Variants in ZFHX3 observed in about 807,000 individuals in gnomAD.
ZFHX3 encodes zinc finger homeobox 3.
ZFHX3 carries 42 observed loss-of-function variants against 279.1 expected under a neutral mutation model. The observed-to-expected ratio is 0.15, with a 90% CI of 0.12 to 0.19. The LOEUF is 0.19. Ranked by LOEUF, ZFHX3 falls within the 10% of genes least tolerant of loss-of-function variation. ZFHX3 has a pLI of 1.00. For synonymous variants in ZFHX3, 2,293 were observed against 1,957.8 expected, an observed-to-expected ratio of 1.17 and a Z score of -4.52; for missense variants, 4,981 against 4,754.0, an observed-to-expected ratio of 1.05 and a Z score of -1.40.
chr16:73,870,342 G>A (rs1962127779), intron 1 of ZFHX3, among the ~76,000 whole-genome samples: 1 of 152,170 alleles, frequency 6.6e-6, no homozygotes, highest in Non-Finnish European at 1.5e-5. Flanking sequence ...ATTGCCTGCA[G>A]CCAATCCTGG....
intron 5 of ZFHX3, among the ~76,000 whole-genome samples, chr16:73,185,984 T>C (rs1018910177): frequency 2.8e-4 from 42 of 152,256 alleles, no homozygotes; most frequent in African/African-American, 9.4e-4. Context: ...GAGATTCTCA[T>C]AGGAGCGCAA....
chr16:72,988,476 G>C (rs925385602), intron 1 of ZFHX3, among the ~76,000 whole-genome samples: 2 of 152,164 alleles, frequency 1.3e-5, no homozygotes, highest in Non-Finnish European at 1.5e-5. Context: ...TCTGATTAAG[G>C]GATTCACTCC....
intron 3 of ZFHX3, among the ~76,000 whole-genome samples, chr16:73,443,353 C>T (rs2018128706): frequency 6.6e-6 from 1 of 152,168 alleles, no homozygotes; most frequent in Non-Finnish European, 1.5e-5. Flanking sequence ...AGACAATTCC[C>T]ACTCAGAGAA....
intron 2 of ZFHX3, among the ~76,000 whole-genome samples, chr16:73,559,685 CAT>C (rs974639968): frequency 1.2e-4 from 18 of 152,192 alleles, no homozygotes; most frequent in Non-Finnish European, 2.6e-4. Flanking sequence ...TTGAGTCAAA[CAT>C]AGAAGACGAC....
intron 4 of ZFHX3, among the ~76,000 whole-genome samples, chr16:73,296,800 T>C (rs912000292): frequency 2.0e-5 from 3 of 151,684 alleles, no homozygotes; most frequent in African/African-American, 7.3e-5. Flanking sequence ...ATAAAGCACC[T>C]ATCATGGGCC....
chr16:73,036,218 C>T (rs1964898400), intron 1 of ZFHX3, among the ~76,000 whole-genome samples: 1 of 152,204 alleles, frequency 6.6e-6, no homozygotes, highest in Non-Finnish European at 1.5e-5. Context: ...GATGTGGCCC[C>T]TTTCCTATTA....
chr16:73,737,264 T>G (rs1216841054), intron 1 of ZFHX3, among the ~76,000 whole-genome samples: 1 of 152,182 alleles, frequency 6.6e-6, no homozygotes, highest in Non-Finnish European at 1.5e-5. Flanking sequence ...CTTGAACTCC[T>G]GGGCTCGAGC....
intron 1 of ZFHX3, among the ~76,000 whole-genome samples, chr16:73,767,335 C>A (rs1195584426): frequency 6.6e-6 from 1 of 152,138 alleles, no homozygotes. Flanking sequence ...AGAATACATT[C>A]ATGCTCAGCA....
At chr16:72,902,030 G>C (rs549337129) in intron 3 of ZFHX3, among the ~76,000 whole-genome samples, 1 of 152,238 alleles carries the variant, frequency 6.6e-6, no homozygotes, top group African/African-American at 2.4e-5. Context: ...CAAACTCTGT[G>C]GCACTTTAAC....
chr16:73,686,833 C>G (rs906893344), intron 1 of ZFHX3, among the ~76,000 whole-genome samples: 1 of 151,448 alleles, frequency 6.6e-6, no homozygotes, highest in African/African-American at 2.4e-5. Context: ...ACAGACTAAG[C>G]TTAAAGGAAA....
chr16:73,040,119 G>T (rs1262421962), intron 1 of ZFHX3, among the ~76,000 whole-genome samples: 1 of 152,114 alleles, frequency 6.6e-6, no homozygotes, highest in Non-Finnish European at 1.5e-5. Flanking sequence ...GCAAGAGTAG[G>T]CCTCTAACAG....
At chr16:73,302,021 C>T (rs2015068884) in intron 4 of ZFHX3, among the ~76,000 whole-genome samples, 1 of 151,908 alleles carries the variant, frequency 6.6e-6, no homozygotes, top group Non-Finnish European at 1.5e-5. Context: ...CACGGGGACA[C>T]CCTCTTCTCA....
chr16:73,866,291 T>C (rs1962019913), intron 1 of ZFHX3, among the ~76,000 whole-genome samples: 1 of 148,542 alleles, frequency 6.7e-6, no homozygotes, highest in Non-Finnish European at 1.5e-5. Context: ...GGGATTCTCC[T>C]GCCTCAGCTC....
intron 1 of ZFHX3, among the ~76,000 whole-genome samples, chr16:73,830,824 G>T (rs1454493432): frequency 6.6e-6 from 1 of 152,162 alleles, no homozygotes; most frequent in East Asian, 1.9e-4. Flanking sequence ...TGCCAAAGAT[G>T]CCGTTCCTCT....
chr16:72,856,482 G>A (rs908517521), intron 4 of ZFHX3, among the ~76,000 whole-genome samples: 1 of 152,238 alleles, frequency 6.6e-6, no homozygotes, highest in Admixed American at 6.5e-5. Flanking sequence ...GGGATACGCA[G>A]GAGCTTAGAT....
At chr16:73,437,799 G>T (rs74028651) in intron 3 of ZFHX3, among the ~76,000 whole-genome samples, 5,386 of 152,170 alleles carry the variant, frequency 0.035, 288 homozygotes, top group African/African-American at 0.12. Context: ...GTCAAATCTC[G>T]CTATTTTCCA....
chr16:73,318,137 G>C (rs1352900351), intron 4 of ZFHX3: 1 of 152,186 alleles, frequency 6.6e-6, no homozygotes, highest in Non-Finnish European at 1.5e-5. Context: ...TAATGCCAGT[G>C]AGTTGTTTTG....
In ZFHX3 at chr16:73,856,754, G is replaced by C. The variant is rs541356245; in HGVS notation, c.-1608+34897C>G. On this transcript the variant is annotated intron_variant, in intron 1 of 17. Coordinates refer to the ZFHX3 transcript ENST00000641206. Reference sequence around the variant, plus strand: ...CTTTGGAAAGCTCTAATCTTATCTTGACCAGCCTGCCCTCTGCCTCCATGG... The same window carrying C: ...CTTTGGAAAGCTCTAATCTTATCTTCACCAGCCTGCCCTCTGCCTCCATGG... Among the ~76,000 whole-genome samples the C allele has an allele frequency of 2.0e-5, 3 of 152,214 alleles. No homozygotes were observed. The South Asian group carries it at 6.2e-4, about 32-fold the overall frequency.
chr16:73,345,850 C>T lies in ZFHX3; in HGVS notation c.-1290-27514G>A, dbSNP rs145134803. Among the ~76,000 whole-genome samples the T allele has an allele frequency of 4.8e-3, 737 of 152,194 alleles. 5 individuals carry two copies. Among genetic ancestry groups the T allele is most frequent in the Non-Finnish European group, 5.6e-3 (378 of 68,002 alleles). ...CTCACCTGTGGTGCTTGGTGGTGCT[C>T]GGTGACACCAGCCCAGGGCCCTGCT... On this transcript the variant is annotated intron_variant, in intron 3 of 17. Transcript: ENST00000641206.
Sources: gnomAD v4.1 joint callset for allele counts (sites outside exome capture counted in the v4.1 genomes callset) on GRCh38, gnomAD v4.1.1 for gene constraint, MANE v1.5 for transcripts, NCBI Gene and HGNC (gene_info 2026-07-23, HGNC 2026-07-21) for gene names.